The following HEPHL1 variants were observed in gnomAD, a reference collection of about 807,000 sequenced individuals.
The protein encoded by HEPHL1 is hephaestin like 1, also known as ferroxidase HEPHL1.
Under a neutral mutation model 122.0 loss-of-function variants are expected in HEPHL1, and 123 were observed. The observed-to-expected ratio is 1.01, with a 90% confidence interval of 0.87 to 1.17. HEPHL1 has a LOEUF of 1.17. Ranked by LOEUF, HEPHL1 falls within the 50% of genes most tolerant of loss-of-function variation. The pLI, the probability that HEPHL1 is intolerant of heterozygous loss-of-function variation, is 0.00. For missense variants in HEPHL1, 1,452 were observed against 1,430.5 expected (o/e 1.01, Z -0.24); for synonymous variants, 527 against 508.9 (o/e 1.04, Z -0.48).
intron 13 of HEPHL1, among the ~76,000 whole-genome samples, chr11:94,096,982 T>C (rs1364509742): frequency 6.6e-6 from 1 of 152,152 alleles, no homozygotes; most frequent in Non-Finnish European, 1.5e-5. Flanking sequence ...CCTGGATTCA[T>C]TGATTTTTTG....
intron 9 of HEPHL1, among the ~76,000 whole-genome samples, chr11:94,078,446 C>CATATATATAT (rs6144452): frequency 0.025 from 2,749 of 111,080 alleles, 177 homozygotes; most frequent in Non-Finnish European, 0.03. Context: ...TCAGATGTTC[C>CATATATATAT]ATATATATAT....
chr11:94,104,970 T>C (rs1591490155), intron 16 of HEPHL1, among the ~76,000 whole-genome samples: 2 of 152,202 alleles, frequency 1.3e-5, no homozygotes, highest in Non-Finnish European at 2.9e-5. Context: ...TGTAGGGACA[T>C]GTATTTCTGA....
At position 94,029,041 on chromosome 11, in the gene HEPHL1, C is replaced by T. The variant is rs539772997; in HGVS notation, c.170+7503C>T. ...ATAGGATCTCACTGTATTGCCCAGGCTAGTCTTAAACTCCTAGCCTCAAGT... is the reference window on the plus strand; with the variant it reads ...ATAGGATCTCACTGTATTGCCCAGGTTAGTCTTAAACTCCTAGCCTCAAGT... On this transcript the variant is annotated intron_variant, in intron 1 of 19. Coordinates refer to ENST00000315765, the MANE Select transcript of HEPHL1 (RefSeq NM_001098672.2). Among the ~76,000 whole-genome samples the T allele has an allele frequency of 1.3e-4, 20 of 152,298 alleles. No individual in the cohort carries two copies. The South Asian group carries it at 3.9e-3, about 30-fold the overall frequency.
intron 2 of HEPHL1, chr11:94,055,813 G>A (rs1945931840): frequency 4.5e-6 from 2 of 444,272 alleles, no homozygotes; most frequent in Middle Eastern, 6.3e-4. Context: ...GAGAAAATGA[G>A]TTCCTTTCCA....
intron 2 of HEPHL1, among the ~76,000 whole-genome samples, chr11:94,062,915 G>A (rs893049474): frequency 6.6e-6 from 1 of 152,058 alleles, no homozygotes; most frequent in Non-Finnish European, 1.5e-5. Flanking sequence ...CATCCTCTGG[G>A]GTATGCCATA....
chr11:94,070,531 C>G lies in HEPHL1; in HGVS notation c.1221C>G (p.Asn407Lys). 5.0e-6 allele frequency: 8 copies of G among 1,609,758 alleles called. No individual in the cohort carries two copies. The highest frequency in any genetic ancestry group is 5.9e-6 in the Non-Finnish European group (7 of 1,177,836). Residue 407 changes from asparagine to lysine, a missense_variant, in exon 6 of 20, where the codon AAC becomes AAG. Transcript: ENST00000315765. ...ACAAATTCAGTGGTCTTCCTCTAAA[C>G]GCCTCTGGCAGGTAAGCACCCTTTG... ...GYNKFSGLPL[N>K]ASGSDSDLYF...
intron 17 of HEPHL1, among the ~76,000 whole-genome samples, chr11:94,108,896 T>C (rs1946427922): frequency 6.6e-6 from 1 of 151,886 alleles, no homozygotes. Context: ...TTGATTTTGA[T>C]TTTTAAAATC....
chr11:94,062,785 T>TAAA (rs890612549), intron 2 of HEPHL1, among the ~76,000 whole-genome samples: 2 of 152,254 alleles, frequency 1.3e-5, no homozygotes, highest in African/African-American at 4.8e-5. Context: ...ATCCTATTTT[T>TAAA]AGCAGTCGGC....
At chr11:94,099,890 G>A (rs10765652) in intron 13 of HEPHL1, among the ~76,000 whole-genome samples, 68,751 of 151,936 alleles carry the variant, frequency 0.45, 17,540 homozygotes, top group Admixed American at 0.57. Context: ...GGAGTGACCC[G>A]ATTTTCCAGG....
intron 1 of HEPHL1, among the ~76,000 whole-genome samples, chr11:94,029,328 T>A (rs972886805): frequency 2.0e-5 from 3 of 152,154 alleles, no homozygotes; most frequent in African/African-American, 7.2e-5. Flanking sequence ...GAGAGGGTCT[T>A]GCAATAATAA....
chr11:94,060,130 A>T (rs201609757), intron 2 of HEPHL1, among the ~76,000 whole-genome samples: 6 of 10,302 alleles, frequency 5.8e-4, no homozygotes, highest in African/African-American at 8.9e-4. Context: ...ATATATATAT[A>T]TATATATATA....
rs1945581947 is a variant in HEPHL1, at chr11:94,021,522, A to G, written c.154A>G (p.Ser52Gly). 6.2e-7 allele frequency: 1 copy of G among 1,608,528 alleles called. No individual in the cohort carries two copies. The highest frequency in any genetic ancestry group is 1.3e-5 in the African/African-American group (1 of 74,726). The change falls in exon 1 of 20, where the codon AGT becomes GGT. Residue 52 changes from serine (S) to glycine (G), a missense_variant. Transcript: ENST00000315765. ...PQGKNVITGK[S>G]FTEDKLATLF... ...AGGGAAGAATGTTATTACTGGGAAA[A>G]GTTTCACAGAAGACAAGTGAGTGAA...
Position 94,064,344 on chromosome 11 carries a change from A to G in HEPHL1, c.642A>G (p.Arg214=). ...TGTGCCTGACAGGTATCCTGAATAG[A>G]TATTCAGGGACACGGAATGATGTGG... ...LLVCKEGILN[R]YSGTRNDVDR... The change falls in exon 4 of 20, where the codon AGA becomes AGG. Residue 214 remains arginine, a synonymous_variant. Coordinates refer to ENST00000315765, the MANE Select transcript of HEPHL1 (RefSeq NM_001098672.2). 6.2e-7 allele frequency: 1 copy of G among 1,609,176 alleles called. No homozygotes were observed. Among genetic ancestry groups the G allele is most frequent in the Non-Finnish European group, 8.5e-7 (1 of 1,175,900 alleles).
chr11:94,084,359 A>AATAT lies in HEPHL1; in HGVS notation c.1868-1615_1868-1614insTATA, dbSNP rs1321325091. On this transcript the variant is annotated intron_variant, in intron 10 of 19. Coordinates refer to ENST00000315765, the MANE Select transcript of HEPHL1 (RefSeq NM_001098672.2). ...GTTTAAATAAATAAATAAATAAATA[A>AATAT]ATAAATAAATAAATAAATATATAAA... 5.2e-4 allele frequency among the ~76,000 whole-genome samples: 79 copies of AATAT among 150,656 alleles called. 1 individual carries two copies. The highest frequency in any genetic ancestry group is 4.0e-3 in the South Asian group (19 of 4,794).
intron 9 of HEPHL1, among the ~76,000 whole-genome samples, chr11:94,077,491 G>T (rs1946135616): frequency 6.6e-6 from 1 of 152,080 alleles, no homozygotes; most frequent in African/African-American, 2.4e-5. Context: ...GGAGAATGGG[G>T]TATTCATCCC....
At chr11:94,082,279 TA>T in intron 9 of HEPHL1, 138 bp from the exon 10 acceptor site, 2 of 527,286 alleles carry the variant, frequency 3.8e-6, no homozygotes, top group Non-Finnish European at 6.4e-6. Flanking sequence ...TATCTTTATT[TA>T]AAAATGACCT....
At chr11:94,025,620 A>T (rs978126292) in intron 1 of HEPHL1, among the ~76,000 whole-genome samples, 2 of 152,240 alleles carry the variant, frequency 1.3e-5, no homozygotes, top group Admixed American at 1.3e-4. Context: ...AGAGTCTGTT[A>T]GTTGACCCAG....
chr11:94,050,685 C>T (rs117498380), intron 2 of HEPHL1, among the ~76,000 whole-genome samples: 1,608 of 152,146 alleles, frequency 0.011, 13 homozygotes, highest in Admixed American at 0.016. Context: ...ATACTCTTTT[C>T]GTTATTCTAA....
At chr11:94,084,323 A>C (rs1342897384) in intron 10 of HEPHL1, among the ~76,000 whole-genome samples, 1 of 146,206 alleles carries the variant, frequency 6.8e-6, no homozygotes, top group African/African-American at 2.6e-5. Context: ...ACAGGGTAAG[A>C]CCCTCTCTCT....
Sources: allele counts gnomAD v4.1 joint callset (sites outside exome capture counted in the v4.1 genomes callset), GRCh38; gene constraint gnomAD v4.1.1; transcripts MANE v1.5; gene names NCBI Gene and HGNC (gene_info 2026-07-23, HGNC 2026-07-21).